LUZP2: variants seen among roughly 807,000 people sequenced by gnomAD.
LUZP2 encodes the protein leucine zipper protein 2.
Under a neutral mutation model 51.6 loss-of-function variants are expected in LUZP2, and 52 were observed. The ratio of observed to expected loss-of-function variants is 1.01; its 90% CI spans 0.81 to 1.27. The LOEUF is 1.27. Among genes scored for constraint, LUZP2 ranks in the 50% most tolerant of loss-of-function variants. The pLI, the probability that LUZP2 is intolerant of heterozygous loss-of-function variation, is 0.00. For missense variants in LUZP2, 436 were observed against 395.4 expected (o/e 1.10, Z -0.87); for synonymous variants, 154 against 137.3 (o/e 1.12, Z -0.85).
intron 5 of LUZP2, among the ~76,000 whole-genome samples, chr11:24,779,140 A>G (rs756614216): frequency 6.6e-6 from 1 of 152,194 alleles, no homozygotes; most frequent in Admixed American, 6.5e-5. Context: ...CATTGCACCT[A>G]TATTTACATT....
At chr11:24,756,001 A>G (rs1435506364) in intron 4 of LUZP2, among the ~76,000 whole-genome samples, 1 of 152,118 alleles carries the variant, frequency 6.6e-6, no homozygotes, top group Non-Finnish European at 1.5e-5. Flanking sequence ...TTTGCCATCT[A>G]TTCTCTGTAG....
chr11:24,821,514 T>C (rs1468022831), intron 5 of LUZP2, among the ~76,000 whole-genome samples: 1 of 152,100 alleles, frequency 6.6e-6, no homozygotes, highest in Non-Finnish European at 1.5e-5. Flanking sequence ...ATTACCTTCT[T>C]ATCACATTAT....
At position 24,585,061 on chromosome 11, in the gene LUZP2, T is replaced by C. The variant is rs181765468; in HGVS notation, c.62+87756T>C. Reference sequence around the variant, plus strand: ...AAGGGATAGGGCCTGGGTGTGGAGGTTGATGACTCCTACTTTCTGTCTTCA... The same window carrying C: ...AAGGGATAGGGCCTGGGTGTGGAGGCTGATGACTCCTACTTTCTGTCTTCA... On this transcript the variant is annotated intron_variant, in intron 1 of 11. Coordinates refer to ENST00000336930, the MANE Select transcript of LUZP2 (RefSeq NM_001009909.4). 3.4e-3 allele frequency among the ~76,000 whole-genome samples: 510 copies of C among 152,234 alleles called. 8 individuals are homozygous for C. The highest frequency in any genetic ancestry group is 0.012 in the African/African-American group (487 of 41,540).
At position 24,949,306 on chromosome 11, in the gene LUZP2, A is replaced by G. The variant is rs942114922; in HGVS notation, c.523-27285A>G. Among the ~76,000 whole-genome samples, 17 of 111,706 alleles carry G rather than the reference A, an allele frequency of 1.5e-4. 1 individual carries two copies. The highest frequency in any genetic ancestry group is 3.1e-4 in the Non-Finnish European group (16 of 51,286). 73.3% of individuals were successfully genotyped at this position (111,706 alleles called of 152,430 possible). A position where few individuals can be genotyped will look rare whatever the true frequency, so the allele number is the denominator to read the frequency against. On this transcript the variant is annotated intron_variant, in intron 7 of 11. Coordinates refer to ENST00000336930, the MANE Select transcript of LUZP2 (RefSeq NM_001009909.4). Reference sequence around the variant, plus strand: ...ATCTAGATTATCTATCTATCTATCTATCTATCTATCTATCTATCTATCTAT... The same window carrying G: ...ATCTAGATTATCTATCTATCTATCTGTCTATCTATCTATCTATCTATCTAT...
At chr11:24,574,058 TTC>T (rs1167592275) in intron 1 of LUZP2, among the ~76,000 whole-genome samples, 1 of 151,458 alleles carries the variant, frequency 6.6e-6, no homozygotes, top group African/African-American at 2.4e-5. Context: ...TTTTCTTTCC[TTC>T]TCTCTTTCGC....
intron 7 of LUZP2, among the ~76,000 whole-genome samples, chr11:24,940,939 C>G (rs571192633): frequency 1.9e-4 from 29 of 152,222 alleles, no homozygotes; most frequent in Non-Finnish European, 2.1e-4. Flanking sequence ...TTCTCTTTCA[C>G]TTTTGTTTTG....
At chr11:24,854,314 C>T (rs546191329) in intron 5 of LUZP2, among the ~76,000 whole-genome samples, 2 of 152,348 alleles carry the variant, frequency 1.3e-5, no homozygotes, top group South Asian at 2.1e-4. Flanking sequence ...CAGTGATGCC[C>T]TGGCCCAGAG....
chr11:24,832,802 A>G (rs1488242775), intron 5 of LUZP2, among the ~76,000 whole-genome samples: 2 of 152,106 alleles, frequency 1.3e-5, no homozygotes, highest in Non-Finnish European at 2.9e-5. Flanking sequence ...GACAACATTT[A>G]ATGAAATATA....
At chr11:24,608,289 T>G (rs1258943925) in intron 1 of LUZP2, among the ~76,000 whole-genome samples, 1 of 151,966 alleles carries the variant, frequency 6.6e-6, no homozygotes, top group East Asian at 1.9e-4. Context: ...TAACACAGAG[T>G]GAGTATAATT....
intron 9 of LUZP2, among the ~76,000 whole-genome samples, chr11:25,030,411 C>G (rs1164973519): frequency 6.6e-6 from 1 of 152,068 alleles, no homozygotes; most frequent in Non-Finnish European, 1.5e-5. Flanking sequence ...TGTTTCATAT[C>G]TCTACAAACA....
intron 10 of LUZP2, among the ~76,000 whole-genome samples, chr11:25,072,723 C>G (rs552187160): frequency 2.6e-5 from 4 of 152,074 alleles, no homozygotes; most frequent in African/African-American, 9.6e-5. Flanking sequence ...TATGTTGTTT[C>G]CAAGGGAGCT....
chr11:24,519,645 T>C (rs577415595), intron 1 of LUZP2, among the ~76,000 whole-genome samples: 29 of 152,330 alleles, frequency 1.9e-4, no homozygotes, highest in African/African-American at 7.0e-4. Flanking sequence ...GTTCTACACA[T>C]GTACTGGAAT....
chr11:24,614,569 A>G (rs1565030037), intron 1 of LUZP2, among the ~76,000 whole-genome samples: 1 of 151,910 alleles, frequency 6.6e-6, no homozygotes, highest in Non-Finnish European at 1.5e-5. Flanking sequence ...CTTTTTACCA[A>G]TTTCTTCTGT....
intron 9 of LUZP2, among the ~76,000 whole-genome samples, chr11:25,026,863 TTTAA>T (rs1857508129): frequency 6.9e-6 from 1 of 144,466 alleles, no homozygotes; most frequent in African/African-American, 2.7e-5. Flanking sequence ...TTTTTATTTT[TTTAA>T]TTATTATTTT....
At chr11:24,864,496 A>G (rs2134251800) in intron 5 of LUZP2, among the ~76,000 whole-genome samples, 1 of 152,346 alleles carries the variant, frequency 6.6e-6, no homozygotes, top group Middle Eastern at 3.4e-3. Flanking sequence ...ATCTAGGCAT[A>G]TAGCTCAATG....
rs534043316 is a variant in LUZP2 at position 25,049,331 on chromosome 11, T to C, written c.766-707T>C. On this transcript the variant is annotated intron_variant, in intron 9 of 11. Transcript: ENST00000336930. ...GTGAAACACCAATATTCAAATTAGC[T>C]CTTCCCAAGAAACACATACACATTT... 3.9e-5 allele frequency among the ~76,000 whole-genome samples: 6 copies of C among 152,330 alleles called. No homozygotes were observed. In the East Asian group the frequency reaches 1.2e-3, roughly 29 times the overall value.
intron 1 of LUZP2, among the ~76,000 whole-genome samples, chr11:24,526,457 CTTTTT>C (rs3077900): frequency 6.8e-6 from 1 of 147,576 alleles, no homozygotes; most frequent in East Asian, 2.0e-4. Context: ...ACTCTCTACT[CTTTTT>C]TTTTTTTTTA....
intron 1 of LUZP2, among the ~76,000 whole-genome samples, chr11:24,648,793 A>G (rs1293579944): frequency 6.6e-6 from 1 of 152,004 alleles, no homozygotes; most frequent in African/African-American, 2.4e-5. Context: ...ACAAACTCAG[A>G]TGAGCAGGAA....
At chr11:24,678,080 G>GA (rs1233586394) in intron 1 of LUZP2, among the ~76,000 whole-genome samples, 2 of 137,670 alleles carry the variant, frequency 1.5e-5, no homozygotes, top group East Asian at 4.8e-4. Flanking sequence ...GAGAAAGGGG[G>GA]GGGGGGGTGA....
Sources: gnomAD v4.1 joint callset for allele counts (sites outside exome capture counted in the v4.1 genomes callset) on GRCh38, gnomAD v4.1.1 for gene constraint, MANE v1.5 for transcripts, NCBI Gene and HGNC (gene_info 2026-07-23, HGNC 2026-07-21) for gene names.